The following CGNL1 variants were observed in gnomAD, a reference collection of about 807,000 sequenced individuals.
CGNL1 encodes cingulin like 1, also known as cingulin-like protein 1.
In CGNL1, 132 loss-of-function variants were observed where a neutral mutation model predicts 141.2. The observed-to-expected ratio is 0.93, with a 90% CI of 0.81 to 1.08. The LOEUF is 1.08. Ranked by LOEUF, CGNL1 falls within the 50% of genes least tolerant of loss-of-function variation. The probability of loss-of-function intolerance (pLI) is 0.00; values close to 1 mark genes in which losing one functional copy is unlikely to be tolerated. For synonymous variants in CGNL1, 690 were observed against 622.1 expected, an observed-to-expected ratio of 1.11 and a Z score of -1.63; for missense variants, 1,870 against 1,588.6, an observed-to-expected ratio of 1.18 and a Z score of -3.01.
chr15:57,493,455 C>A (rs750607387), intron 8 of CGNL1, among the ~76,000 whole-genome samples: 1 of 151,982 alleles, frequency 6.6e-6, no homozygotes, highest in Non-Finnish European at 1.5e-5. Context: ...TGTACGTGAC[C>A]CAAAGCAGGC....
At chr15:57,416,215 TAAA>T (rs2062847911) in intron 1 of CGNL1, among the ~76,000 whole-genome samples, 3 of 148,936 alleles carry the variant, frequency 2.0e-5, no homozygotes, top group Non-Finnish European at 3.0e-5. Flanking sequence ...TTTTTTTTTT[TAAA>T]TTGTAAGGAT....
chr15:57,547,015 T>C (rs574257580), intron 18 of CGNL1, among the ~76,000 whole-genome samples: 1 of 152,366 alleles, frequency 6.6e-6, no homozygotes, highest in African/African-American at 2.4e-5. Context: ...AACATTTTAA[T>C]GCAATATTTA....
chr15:57,425,613 T>A (rs1465072579), intron 1 of CGNL1, among the ~76,000 whole-genome samples: 1 of 151,966 alleles, frequency 6.6e-6, no homozygotes, highest in Non-Finnish European at 1.5e-5. Flanking sequence ...TGGTGGCATG[T>A]GCCTGTAGTC....
At chr15:57,400,572 C>G (rs3959685) in intron 1 of CGNL1, among the ~76,000 whole-genome samples, 38,172 of 151,896 alleles carry the variant, frequency 0.25, 5,133 homozygotes, top group East Asian at 0.57. Flanking sequence ...CACTTATTTT[C>G]TTTCTTATTG....
chr15:57,461,021 G>A (rs951997987), intron 7 of CGNL1, among the ~76,000 whole-genome samples: 1 of 152,118 alleles, frequency 6.6e-6, no homozygotes, highest in South Asian at 2.1e-4. Context: ...AAACTGAGAA[G>A]GTCTGGGACA....
At position 57,516,657 on chromosome 15, in the gene CGNL1, G is replaced by T. The variant is rs2030824846; in HGVS notation, c.2404-123G>T. 3.2e-5 allele frequency: 32 copies of T among 1,012,960 alleles called. 1 individual carries two copies. The South Asian group carries it at 5.0e-4, about 16-fold the overall frequency. The allele number at this position is 1,012,960 out of a possible 1,614,324, so 62.7% of individuals were successfully genotyped here. A position where few individuals can be genotyped will look rare whatever the true frequency, so the allele number is the denominator to read the frequency against. ...GCAGGCTGTCGTTTGCCGACCCCTG[G>T]CTCAGCACAGGGCCTGGCTAAGTGG... On this transcript the variant is annotated intron_variant, in intron 8 of 18. Coordinates refer to ENST00000281282, the MANE Select transcript of CGNL1 (RefSeq NM_032866.5).
intron 1 of CGNL1, among the ~76,000 whole-genome samples, chr15:57,422,219 ATT>A (rs5812897): frequency 6.8e-4 from 99 of 145,244 alleles, no homozygotes; most frequent in Middle Eastern, 3.5e-3. Flanking sequence ...CCTTGCAGTT[ATT>A]TTTTTTTTTT....
chr15:57,417,475 C>T (rs1393684521), intron 1 of CGNL1, among the ~76,000 whole-genome samples: 2 of 152,174 alleles, frequency 1.3e-5, no homozygotes, highest in African/African-American at 4.8e-5. Context: ...CTCAGGTGAT[C>T]CACCTGCCTT....
Position 57,501,361 on chromosome 15 carries a change from G to T in CGNL1, c.2404-15419G>T, listed in dbSNP as rs1479676799. Among the ~76,000 whole-genome samples, 4 of 152,228 alleles carry T rather than the reference G, an allele frequency of 2.6e-5. No homozygotes were observed. In the East Asian group the frequency reaches 5.8e-4, roughly 22 times the overall value. On this transcript the variant is annotated intron_variant, in intron 8 of 18. Transcript: ENST00000281282. ...GCCTCCCTCAGCGGGAAGCCGAAGAGAATTCAGTGAGATGACTCATGGAAA... is the reference window on the plus strand; with the variant it reads ...GCCTCCCTCAGCGGGAAGCCGAAGATAATTCAGTGAGATGACTCATGGAAA...
chr15:57,513,799 G>A (rs1245865943), intron 8 of CGNL1, among the ~76,000 whole-genome samples: 40 of 152,304 alleles, frequency 2.6e-4, no homozygotes, highest in African/African-American at 7.2e-5. Context: ...TGGGATTACA[G>A]GCTTGAGTCA....
intron 1 of CGNL1, among the ~76,000 whole-genome samples, chr15:57,396,419 G>A (rs2062603325): frequency 6.6e-6 from 1 of 151,950 alleles, no homozygotes; most frequent in South Asian, 2.1e-4. Flanking sequence ...GGCTACAGGT[G>A]CATGCCACCA....
intron 14 of CGNL1, among the ~76,000 whole-genome samples, chr15:57,536,032 A>G (rs1226800519): frequency 6.6e-6 from 1 of 152,210 alleles, no homozygotes; most frequent in African/African-American, 2.4e-5. Context: ...TTATAGAGGA[A>G]AGAGGTTTAA....
intron 1 of CGNL1, among the ~76,000 whole-genome samples, chr15:57,432,350 C>T (rs557379937): frequency 8.1e-4 from 123 of 152,326 alleles, no homozygotes; most frequent in Non-Finnish European, 1.3e-3. Context: ...CCATGCTCAG[C>T]TGATAACATG....
intron 3 of CGNL1, among the ~76,000 whole-genome samples, chr15:57,440,743 T>C (rs2152309509): frequency 6.6e-6 from 1 of 152,258 alleles, no homozygotes; most frequent in South Asian, 2.1e-4. Flanking sequence ...CAAAAGCAAA[T>C]TCAAAGATAG....
chr15:57,412,539 C>A (rs1293026639), intron 1 of CGNL1, among the ~76,000 whole-genome samples: 1 of 152,204 alleles, frequency 6.6e-6, no homozygotes, highest in Non-Finnish European at 1.5e-5. Flanking sequence ...GGACTCCTTT[C>A]TCAAACCTGC....
At chr15:57,402,184 G>C (rs2062667662) in intron 1 of CGNL1, 1 of 152,216 alleles carries the variant, frequency 6.6e-6, no homozygotes, top group African/African-American at 2.4e-5. Flanking sequence ...TGAATGGCTT[G>C]GTGCTCTCCC....
At chr15:57,399,488 G>T (rs1470923574) in intron 1 of CGNL1, among the ~76,000 whole-genome samples, 1 of 150,272 alleles carries the variant, frequency 6.7e-6, no homozygotes, top group East Asian at 1.9e-4. Flanking sequence ...TTGAAAAGTA[G>T]AATCTTGTTT....
chr15:57,543,669 T>A, intron 14 of CGNL1, 27 bp from the exon 15 acceptor site: 1 of 1,583,188 alleles, frequency 6.3e-7, no homozygotes, highest in Non-Finnish European at 8.7e-7. Context: ...CCTTCTAACC[T>A]CTGGGCTTTT....
Position 57,546,209 on chromosome 15 carries a change from G to A in CGNL1, c.3743G>A (p.Gly1248Glu). 1 of 1,597,298 alleles carries A rather than the reference G, an allele frequency of 6.3e-7. No homozygotes were observed. The highest frequency in any genetic ancestry group is 8.5e-7 in the Non-Finnish European group (1 of 1,171,716). The change falls in exon 18 of 19, where the codon GGG becomes GAG. Residue 1248 changes from glycine (G) to glutamate (E), a missense_variant. Coordinates refer to ENST00000281282, the MANE Select transcript of CGNL1 (RefSeq NM_032866.5). ...ATGGACATGAATGAGCATCTGCAGG[G>A]GCAGCTCAACTCCATGAAGAAGGAC... ...EQMDMNEHLQ[G>E]QLNSMKKDLR...
Sources: allele counts gnomAD v4.1 joint callset (sites outside exome capture counted in the v4.1 genomes callset), GRCh38; gene constraint gnomAD v4.1.1; transcripts MANE v1.5; gene names NCBI Gene and HGNC (gene_info 2026-07-23, HGNC 2026-07-21).